Variants in PCBP3 observed in about 807,000 individuals in gnomAD.
PCBP3 encodes poly(rC) binding protein 3, also known as poly(rC)-binding protein 3.
PCBP3 carries 25 observed loss-of-function variants against 52.7 expected under a neutral mutation model. The observed-to-expected ratio is 0.47, with a 90% CI of 0.35 to 0.66. The LOEUF (loss-of-function observed/expected upper bound fraction) is 0.66, where lower values mean the gene tolerates loss of function less well. Among genes scored for constraint, PCBP3 ranks in the 30% least tolerant of loss-of-function variants. The pLI is 0.01. For missense variants in PCBP3, 391 were observed against 490.3 expected, an observed-to-expected ratio of 0.80 and a Z score of 1.91; for synonymous variants, 162 against 183.0, an observed-to-expected ratio of 0.89 and a Z score of 0.93.
rs1436543661 is a variant in PCBP3, at chr21:45,704,651, A to G, written c.-199-30741A>G. Among the ~76,000 whole-genome samples, 3 of 152,192 alleles carry G rather than the reference A, an allele frequency of 2.0e-5. No individual in the cohort carries two copies. Among genetic ancestry groups the G allele is most frequent in the Non-Finnish European group, 4.4e-5 (3 of 68,036 alleles). ...GAAGTAATTTGAAGATTGACAGGAAATTCATAAAGGGAATATGGAGTTCCG... is the reference window on the plus strand; with the variant it reads ...GAAGTAATTTGAAGATTGACAGGAAGTTCATAAAGGGAATATGGAGTTCCG... On this transcript the variant is annotated intron_variant, in intron 2 of 17. Coordinates refer to ENST00000681687, the MANE Select transcript of PCBP3 (RefSeq NM_001384156.1). This position sits in a 1 kb window ranked among gnomAD's most constrained non-coding sequence, Gnocchi z 4.1.
chr21:45,887,723 A>G (rs747346393), intron 5 of PCBP3, among the ~76,000 whole-genome samples: 4 of 152,192 alleles, frequency 2.6e-5, no homozygotes, highest in Non-Finnish European at 5.9e-5. Context: ...CTGCAAACGT[A>G]ATTTCTAGTT....
intron 4 of PCBP3, among the ~76,000 whole-genome samples, chr21:45,767,835 A>T (rs1232503523): frequency 1.3e-5 from 2 of 152,228 alleles, no homozygotes; most frequent in Non-Finnish European, 2.9e-5. Flanking sequence ...GAGGGCACTG[A>T]CAGGCTCTCA....
rs927733649 is a variant in PCBP3 at position 45,791,569 on chromosome 21, G to A, written c.-126+36117G>A. Among the ~76,000 whole-genome samples, 4 of 152,226 alleles carry A rather than the reference G, an allele frequency of 2.6e-5. No homozygotes were observed. Among genetic ancestry groups the A allele is most frequent in the Non-Finnish European group, 5.9e-5 (4 of 68,032 alleles). On this transcript the variant is annotated intron_variant, in intron 4 of 17. Coordinates refer to ENST00000681687, the MANE Select transcript of PCBP3 (RefSeq NM_001384156.1). The surrounding 1 kb of genome is among the most constrained non-coding windows in gnomAD (Gnocchi z 4.2). ...CTGGGCTAGGGAAGGAGAGAAGCTC[G>A]CGAGGGAGGTGTGCAACAGCCGGAA...
chr21:45,842,920 T>C (rs944959465), intron 4 of PCBP3, among the ~76,000 whole-genome samples: 5 of 152,288 alleles, frequency 3.3e-5, no homozygotes, highest in Admixed American at 1.3e-4. Context: ...ACCTAATAGG[T>C]TCCTCCTTTC....
intron 5 of PCBP3, among the ~76,000 whole-genome samples, chr21:45,885,577 C>T (rs1282056627): frequency 2.6e-5 from 4 of 152,136 alleles, no homozygotes; most frequent in African/African-American, 4.8e-5. Context: ...TGTGTGTCTT[C>T]GGTCTGTGTT....
At chr21:45,767,440 T>C (rs967555116) in intron 4 of PCBP3, among the ~76,000 whole-genome samples, 1 of 152,220 alleles carries the variant, frequency 6.6e-6, no homozygotes, top group African/African-American at 2.4e-5. Flanking sequence ...ACTTATTGAT[T>C]AGTGACATTG....
At chr21:45,712,046 A>C (rs1257504575) in intron 2 of PCBP3, among the ~76,000 whole-genome samples, 1 of 152,226 alleles carries the variant, frequency 6.6e-6, no homozygotes, top group African/African-American at 2.4e-5. Flanking sequence ...AGTGGTATGC[A>C]TTTAAAGTTA....
chr21:45,923,566 C>T (rs1010049904), intron 13 of PCBP3, among the ~76,000 whole-genome samples: 1 of 152,144 alleles, frequency 6.6e-6, no homozygotes, highest in Non-Finnish European at 1.5e-5. Flanking sequence ...TTTACAGGAC[C>T]CTCGGGCGAC....
intron 4 of PCBP3, among the ~76,000 whole-genome samples, chr21:45,838,138 T>C (rs2093629448): frequency 6.6e-6 from 1 of 152,214 alleles, no homozygotes; most frequent in Non-Finnish European, 1.5e-5. Context: ...TGAATTTGTG[T>C]CTTTCCCTGC....
intron 13 of PCBP3, among the ~76,000 whole-genome samples, chr21:45,924,377 A>T (rs2839062): frequency 5.0e-4 from 9 of 17,886 alleles, no homozygotes; most frequent in South Asian, 1.4e-3. Flanking sequence ...GGAACAGTCG[A>T]GTGGATAGAA....
chr21:45,674,952 AC>A (rs1329490802), intron 2 of PCBP3, among the ~76,000 whole-genome samples: 2 of 152,136 alleles, frequency 1.3e-5, no homozygotes, highest in East Asian at 3.9e-4. Flanking sequence ...CCCACCTAGC[AC>A]CCACCATTTC....
intron 4 of PCBP3, among the ~76,000 whole-genome samples, chr21:45,832,815 C>T (rs2093484870): frequency 6.6e-6 from 1 of 152,114 alleles, no homozygotes; most frequent in South Asian, 2.1e-4. Context: ...CTGGGGAGGC[C>T]TCAGGAAACT....
At chr21:45,883,179 AT>A (rs1457095206) in intron 5 of PCBP3, among the ~76,000 whole-genome samples, 1 of 152,080 alleles carries the variant, frequency 6.6e-6, no homozygotes, top group Non-Finnish European at 1.5e-5. Flanking sequence ...TATGTGTTTC[AT>A]TTCCAAGTGC....
chr21:45,894,087 C>T, intron 5 of PCBP3: 1 of 955,868 alleles, frequency 1.0e-6, no homozygotes, highest in Non-Finnish European at 1.2e-6. Flanking sequence ...TGGTCTGCAG[C>T]TCTGGGAGCT....
At position 45,791,212 on chromosome 21, in the gene PCBP3, T is replaced by C. The variant is rs1380602816; in HGVS notation, c.-126+35760T>C. On this transcript the variant is annotated intron_variant, in intron 4 of 17. Coordinates refer to ENST00000681687, the MANE Select transcript of PCBP3 (RefSeq NM_001384156.1). The surrounding 1 kb of genome is among the most constrained non-coding windows in gnomAD (Gnocchi z 4.2). ...GGAGTTTTGAAGACAGGAATCGGTA[T>C]GAGATATGCATATTTATATGTTTTT... 3.3e-5 allele frequency among the ~76,000 whole-genome samples: 5 copies of C among 152,158 alleles called. No homozygotes were observed. Among genetic ancestry groups the C allele is most frequent in the Non-Finnish European group, 7.4e-5 (5 of 68,020 alleles).
intron 2 of PCBP3, among the ~76,000 whole-genome samples, chr21:45,691,272 C>G (rs1299099820): frequency 2.0e-5 from 3 of 151,278 alleles, no homozygotes; most frequent in Admixed American, 2.0e-4. Context: ...ATTCTATTTA[C>G]ATAAGAATAT....
intron 4 of PCBP3, among the ~76,000 whole-genome samples, chr21:45,786,651 A>G (rs2091185809): frequency 6.6e-6 from 1 of 152,134 alleles, no homozygotes; most frequent in South Asian, 2.1e-4. Context: ...TTAAGTCATT[A>G]TTGTTAGTAA....
chr21:45,807,739 C>CA (rs948609905), intron 4 of PCBP3, among the ~76,000 whole-genome samples: 45 of 147,252 alleles, frequency 3.1e-4, no homozygotes, highest in African/African-American at 6.3e-4. Flanking sequence ...CAATTCTAAG[C>CA]AAAAAAAACA....
At chr21:45,685,359 AT>A (rs1375309050) in intron 2 of PCBP3, among the ~76,000 whole-genome samples, 1 of 152,172 alleles carries the variant, frequency 6.6e-6, no homozygotes, top group Non-Finnish European at 1.5e-5. Context: ...AATGTATTTA[AT>A]GCCACTTAAC....
Sources: gnomAD v4.1 joint callset for allele counts (sites outside exome capture counted in the v4.1 genomes callset) on GRCh38, gnomAD v4.1.1 for gene constraint, Gnocchi (gnomAD v3.1) non-coding constraint, MANE v1.5 for transcripts, NCBI Gene and HGNC (gene_info 2026-07-23, HGNC 2026-07-21) for gene names.